Variants in HSCB observed in about 807,000 individuals in gnomAD.
HSCB encodes iron-sulfur cluster co-chaperone protein HscB.
In HSCB, 23 loss-of-function variants were observed where a neutral mutation model predicts 31.3. That is an observed-to-expected ratio of 0.74 (90% CI 0.53 to 1.04). The LOEUF (loss-of-function observed/expected upper bound fraction) is 1.04, where lower values mean the gene tolerates loss of function less well. HSCB is among the 50% of genes least tolerant of loss of function. The pLI is 0.00. For synonymous variants in HSCB, 110 were observed against 104.5 expected, an observed-to-expected ratio of 1.05 and a Z score of -0.32; for missense variants, 297 against 288.1, an observed-to-expected ratio of 1.03 and a Z score of -0.22.
rs769938652 is a variant in HSCB, at chr22:28,744,845, G to A, written c.423+141G>A. 1.2e-5 allele frequency: 8 copies of A among 678,372 alleles called. No homozygotes were observed. In the African/African-American group the frequency reaches 1.4e-4, roughly 12 times the overall value. 42.0% of individuals were successfully genotyped at this position (678,372 alleles called of 1,614,324 possible). A position where few individuals can be genotyped will look rare whatever the true frequency, so the allele number is the denominator to read the frequency against. ...CACCTGTAATCCCAGAACTTTCAGAGGCTGAGGTGGTCAGATCACTTCAGC... is the reference window on the plus strand; with the variant it reads ...CACCTGTAATCCCAGAACTTTCAGAAGCTGAGGTGGTCAGATCACTTCAGC... On this transcript the variant is annotated intron_variant, in intron 3 of 5. Coordinates refer to ENST00000216027, the MANE Select transcript of HSCB (RefSeq NM_172002.5).
intron 4 of HSCB, among the ~76,000 whole-genome samples, chr22:28,746,898 CAAAAA>C (rs71194793): frequency 8.0e-6 from 1 of 124,756 alleles, no homozygotes; most frequent in Non-Finnish European, 1.8e-5. Context: ...GACTCCGTCT[CAAAAA>C]AAAAAAAAAA....
intron 5 of HSCB, among the ~76,000 whole-genome samples, chr22:28,755,192 C>T (rs1328961988): frequency 2.0e-5 from 3 of 150,390 alleles, no homozygotes; most frequent in East Asian, 2.0e-4. Flanking sequence ...GGGCGGATCA[C>T]GAGGTCAGGA....
intron 4 of HSCB, among the ~76,000 whole-genome samples, chr22:28,750,889 GC>G (rs1280077100): frequency 6.9e-6 from 1 of 144,550 alleles, no homozygotes; most frequent in Non-Finnish European, 1.5e-5. Context: ...TGTTCTCCTT[GC>G]TGAAATGTCG....
At chr22:28,746,517 C>CCGAGGAAG (rs1352554633) in intron 4 of HSCB, among the ~76,000 whole-genome samples, 2 of 151,732 alleles carry the variant, frequency 1.3e-5, no homozygotes, top group African/African-American at 4.8e-5. Flanking sequence ...TTTTGAGAGG[C>CCGAGGAAG]CGAGGAAGGC....
At chr22:28,747,033 C>T (rs1427303895) in intron 4 of HSCB, among the ~76,000 whole-genome samples, 1 of 152,000 alleles carries the variant, frequency 6.6e-6, no homozygotes, top group Non-Finnish European at 1.5e-5. Context: ...CACTGTACTC[C>T]AGCCTGAGTG....
chr22:28,751,745 CA>C (rs201705418), intron 5 of HSCB, among the ~76,000 whole-genome samples: 7,252 of 104,628 alleles, frequency 0.069, 194 homozygotes, highest in Non-Finnish European at 0.093. Flanking sequence ...GACTCCATCT[CA>C]AAAAAAAAAA....
chr22:28,744,543 C>A, intron 2 of HSCB, 72 bp from the exon 3 acceptor site: 2 of 1,193,940 alleles, frequency 1.7e-6, no homozygotes, highest in South Asian at 1.2e-5. Context: ...GACTCAACGT[C>A]AAAACAAAAA....
intron 5 of HSCB, among the ~76,000 whole-genome samples, chr22:28,755,634 T>C (rs149145322): frequency 0.014 from 2,076 of 152,278 alleles, 52 homozygotes; most frequent in East Asian, 0.084. Flanking sequence ...ATACATATCC[T>C]TCTGTGACTT....
rs748205613 is a variant in HSCB, at chr22:28,742,240, G to T, written c.145G>T (p.Gly49Cys). Residue 49 changes from glycine (G) to cysteine (C), a missense_variant, in exon 1 of 6, where the codon GGC becomes TGC. By Grantham distance (159) the Gly-to-Cys change is radical. Coordinates refer to ENST00000216027, the MANE Select transcript of HSCB (RefSeq NM_172002.5). ...PRCWNCGGPWGPGREDRFFCP... is the reference protein window; with the variant it reads ...PRCWNCGGPWCPGREDRFFCP... ...CTGTTGGAACTGCGGCGGCCCATGG[G>T]GCCCCGGGCGGGAGGACAGGTTCTT... 26 of 1,613,884 alleles carry T rather than the reference G, an allele frequency of 1.6e-5. No individual in the cohort carries two copies. In the East Asian group the frequency reaches 2.9e-4, roughly 18 times the overall value.
chr22:28,751,613 CACA>C (rs2030262611), intron 5 of HSCB, among the ~76,000 whole-genome samples: 1 of 152,074 alleles, frequency 6.6e-6, no homozygotes, highest in South Asian at 2.1e-4. Context: ...GGTGTGGTGG[CACA>C]ACGCCTGTAG....
chr22:28,748,218 TC>T (rs1364396115), intron 4 of HSCB, among the ~76,000 whole-genome samples: 1 of 152,128 alleles, frequency 6.6e-6, no homozygotes, highest in Non-Finnish European at 1.5e-5. Flanking sequence ...CTTCCAGTGT[TC>T]CCTGAGAGAG....
Position 28,742,312 on chromosome 22 carries a change from T to G in HSCB, c.217T>G (p.Tyr73Asp), listed in dbSNP as rs1391323602. 1.2e-6 allele frequency: 2 copies of G among 1,613,978 alleles called. No individual in the cohort carries two copies. The highest frequency in any genetic ancestry group is 1.6e-4 in the Middle Eastern group (1 of 6,062). ...GCAGGCACCTGACCCCACTCGAGAC[T>G]ACTTCAGCCTTATGGACTGGTACGA... Reference protein sequence around the residue: ...ALQAPDPTRDYFSLMDCNRSF... With the variant: ...ALQAPDPTRDDFSLMDCNRSF... Residue 73 changes from tyrosine to aspartate, a missense_variant, in exon 1 of 6, where the codon TAC (tyrosine) becomes GAC (aspartate). Physicochemically the swap from Tyr to Asp is radical, Grantham distance 160. Transcript: ENST00000216027.
intron 5 of HSCB, 108 bp downstream of exon 5, chr22:28,751,396 T>G (rs895578865): frequency 2.5e-5 from 15 of 612,110 alleles, no homozygotes; most frequent in Non-Finnish European, 3.8e-5. Context: ...GATAGCTATA[T>G]AGGGAGATAT....
chr22:28,751,700 C>T (rs1014541958), intron 5 of HSCB, among the ~76,000 whole-genome samples: 15 of 150,136 alleles, frequency 1.0e-4, no homozygotes, highest in Non-Finnish European at 1.6e-4. Context: ...GAGCTGAGAT[C>T]GTGCCACTGC....
At chr22:28,747,570 TG>T (rs2146212658) in intron 4 of HSCB, among the ~76,000 whole-genome samples, 1 of 152,312 alleles carries the variant, frequency 6.6e-6, no homozygotes, top group South Asian at 2.1e-4. Flanking sequence ...CCCAAAGTGC[TG>T]GGATTACAGG....
intron 5 of HSCB, among the ~76,000 whole-genome samples, chr22:28,751,702 T>C (rs1000335618): frequency 1.2e-4 from 17 of 147,800 alleles, no homozygotes; most frequent in African/African-American, 3.8e-4. Flanking sequence ...GCTGAGATCG[T>C]GCCACTGCAC....
chr22:28,755,990 A>G (rs976207425), intron 5 of HSCB, among the ~76,000 whole-genome samples: 3 of 151,946 alleles, frequency 2.0e-5, no homozygotes, highest in Admixed American at 2.0e-4. Flanking sequence ...TCACACCTAT[A>G]ATCCCAGCAC....
rs758941032 is a variant in HSCB, at chr22:28,757,200, G to A, written c.*31G>A. On this transcript the variant is annotated 3_prime_UTR_variant, in exon 6 of 6. Coordinates refer to ENST00000216027, the MANE Select transcript of HSCB (RefSeq NM_172002.5). ...GATAGTTTAAAGTTTAAAAAATAAA[G>A]TTCTTGCTGGGCACAGTGGCTCACA... The A allele has an allele frequency of 3.3e-6, 4 of 1,223,456 alleles. No individual in the cohort carries two copies. Among genetic ancestry groups the A allele is most frequent in the Non-Finnish European group, 4.8e-6 (4 of 831,908 alleles). The allele number at this position is 1,223,456 out of a possible 1,614,324, so 75.8% of individuals were successfully genotyped here. A position where few individuals can be genotyped will look rare whatever the true frequency, so the allele number is the denominator to read the frequency against.
At chr22:28,754,776 T>G (rs1177876250) in intron 5 of HSCB, among the ~76,000 whole-genome samples, 1 of 151,128 alleles carries the variant, frequency 6.6e-6, no homozygotes, top group Non-Finnish European at 1.5e-5. Context: ...ATGATGAATT[T>G]TATGTCATGT....
Sources: gnomAD v4.1 joint callset for allele counts (sites outside exome capture counted in the v4.1 genomes callset) on GRCh38, gnomAD v4.1.1 for gene constraint, MANE v1.5 for transcripts, NCBI Gene and HGNC (gene_info 2026-07-23, HGNC 2026-07-21) for gene names.